Variants in FNIP2 observed in about 807,000 individuals in gnomAD.
FNIP2 encodes folliculin-interacting protein 2.
In FNIP2, 32 loss-of-function variants were observed where a neutral mutation model predicts 108.7. The ratio of observed to expected loss-of-function variants is 0.29; its 90% CI spans 0.22 to 0.40. FNIP2 has a LOEUF of 0.40. Among genes scored for constraint, FNIP2 ranks in the 10% least tolerant of loss-of-function variants. The probability of loss-of-function intolerance (pLI) is 1.00; values close to 1 mark genes in which losing one functional copy is unlikely to be tolerated. For missense variants in FNIP2, 1,202 were observed against 1,381.6 expected (o/e 0.87, Z 2.06); for synonymous variants, 480 against 496.7 (o/e 0.97, Z 0.45).
At chr4:158,809,098 A>G (rs1560767912) in intron 1 of FNIP2, among the ~76,000 whole-genome samples, 1 of 152,172 alleles carries the variant, frequency 6.6e-6, no homozygotes, top group Non-Finnish European at 1.5e-5. Context: ...AAAACTACCA[A>G]GTTTGATGAG....
At position 158,769,266 on chromosome 4, in the gene FNIP2, C is replaced by A; in HGVS notation, c.54C>A (p.Ser18Arg). 6.5e-7 allele frequency: 1 copy of A among 1,542,908 alleles called. No individual in the cohort carries two copies. The highest frequency in any genetic ancestry group is 8.7e-7 in the Non-Finnish European group (1 of 1,149,026). The change falls in exon 1 of 17, where the codon AGC becomes AGA. Residue 18 changes from serine (S) to arginine (R), a missense_variant. By Grantham distance (110) the Ser-to-Arg change is moderately radical (BLOSUM62 -1). This residue lies in a region of FNIP2 where 173 missense variants were observed against 165.9 expected (regional missense o/e 1.04). Transcript: ENST00000264433. ...TCAACAAAAGGGGCAGCAGCGGCAG[C>A]TCCGCGGCGGCGTCTGCCCAGGGCA... ...KLFNKRGSSG[S>R]SAAASAQGRA...
chr4:158,894,193 CAG>C (rs1343839375), intron 15 of FNIP2, among the ~76,000 whole-genome samples: 29 of 128,410 alleles, frequency 2.3e-4, no homozygotes, highest in Non-Finnish European at 4.2e-4. Context: ...TTTTTTGAGA[CAG>C]AGTTTCATTT....
Position 158,831,960 on chromosome 4 carries a change from C to A in FNIP2, c.481C>A (p.Arg161Ser). Residue 161 changes from arginine to serine, a missense_variant and splice_region_variant, in exon 4 of 17, where the codon CGT (arginine) becomes AGT (serine). Physicochemically the swap from Arg to Ser is moderately radical, Grantham distance 110 (BLOSUM62 -1). Around this residue, in one of 5 missense-constraint regions of FNIP2, gnomAD observed 878 missense variants for 990.3 expected, o/e 0.89. Coordinates refer to ENST00000264433, the MANE Select transcript of FNIP2 (RefSeq NM_020840.3). ...KGSTLKIHYI[R>S]SPPQLMISKV... is the part of the protein sequence containing the mutation. ...CTCCACCTTAAAGATACACTACATA[C>A]GGTGAGTCTGGGCTTCCTTTTCTAC... The A allele has an allele frequency of 1.2e-6, 2 of 1,607,806 alleles. No individual in the cohort carries two copies. The highest frequency in any genetic ancestry group is 1.7e-6 in the Non-Finnish European group (2 of 1,175,644).
At chr4:158,780,770 C>T (rs1362439446) in intron 1 of FNIP2, among the ~76,000 whole-genome samples, 3 of 152,156 alleles carry the variant, frequency 2.0e-5, no homozygotes, top group Admixed American at 6.5e-5. Context: ...CGGTGGCTCA[C>T]GCCTATAATC....
At chr4:158,816,657 C>T (rs543612601) in intron 1 of FNIP2, among the ~76,000 whole-genome samples, 21 of 151,772 alleles carry the variant, frequency 1.4e-4, no homozygotes, top group East Asian at 1.2e-3. Context: ...TGGTGGTGGG[C>T]GCCTGTAATC....
At chr4:158,896,702 A>G (rs1782707047) in intron 16 of FNIP2, among the ~76,000 whole-genome samples, 1 of 150,950 alleles carries the variant, frequency 6.6e-6, no homozygotes, top group Non-Finnish European at 1.5e-5. Context: ...TTATTCTTAC[A>G]TACTTTATTT....
intron 1 of FNIP2, among the ~76,000 whole-genome samples, chr4:158,788,924 A>G (rs1011420385): frequency 2.0e-5 from 3 of 152,234 alleles, no homozygotes; most frequent in South Asian, 2.1e-4. Flanking sequence ...AGGCAAGAGT[A>G]AAAACTAAAA....
intron 7 of FNIP2, among the ~76,000 whole-genome samples, chr4:158,840,620 T>C (rs1282212103): frequency 6.6e-6 from 1 of 152,180 alleles, no homozygotes; most frequent in East Asian, 1.9e-4. Flanking sequence ...GGTCTCAAAC[T>C]CCTGACCTCA....
chr4:158,895,832 G>A lies in FNIP2; in HGVS notation c.3233G>A (p.Arg1078Gln), dbSNP rs1233617274. 6 of 1,613,108 alleles carry A rather than the reference G, an allele frequency of 3.7e-6. No individual in the cohort carries two copies. The highest frequency in any genetic ancestry group is 3.4e-6 in the Non-Finnish European group (4 of 1,179,440). ...MLSEYLRGHT[R>Q]VHVKELGVVL... is the part of the protein sequence containing the mutation. ...TCTGAATATCTCCGGGGACACACACGAGTCCATGTGAAAGAATTAGGTGTC... is the reference window on the plus strand; with the variant it reads ...TCTGAATATCTCCGGGGACACACACAAGTCCATGTGAAAGAATTAGGTGTC... Residue 1078 changes from arginine to glutamine, a missense_variant, in exon 16 of 17, where the codon CGA becomes CAA. Arg to Gln is a conservative substitution (Grantham distance 43, BLOSUM62 1). Around this residue, in one of 5 missense-constraint regions of FNIP2, gnomAD observed 142 missense variants for 183.8 expected, o/e 0.77. Coordinates refer to ENST00000264433, the MANE Select transcript of FNIP2 (RefSeq NM_020840.3).
At chr4:158,773,516 G>C (rs1337530791) in intron 1 of FNIP2, among the ~76,000 whole-genome samples, 1 of 152,206 alleles carries the variant, frequency 6.6e-6, no homozygotes, top group African/African-American at 2.4e-5. Context: ...CAAAGTTGTG[G>C]TAAGGAAGTA....
At chr4:158,872,106 G>T (rs1032607605) in intron 14 of FNIP2, 2 of 985,320 alleles carry the variant, frequency 2.0e-6, no homozygotes, top group African/African-American at 3.5e-5. Flanking sequence ...TCTGACAGAG[G>T]TACCAAGAGA....
intron 7 of FNIP2, chr4:158,836,316 C>CT (rs1778794144): frequency 1.3e-5 from 2 of 152,164 alleles, no homozygotes; most frequent in African/African-American, 4.8e-5. Flanking sequence ...AGCCTCAGAG[C>CT]CTTTTAACCC....
chr4:158,874,913 T>C (rs1201225688), intron 14 of FNIP2, among the ~76,000 whole-genome samples: 3 of 73,332 alleles, frequency 4.1e-5, no homozygotes, highest in African/African-American at 5.6e-5. Context: ...ACCCCGTCTC[T>C]ACTAAAATAC....
At chr4:158,822,051 G>T (rs1043107690) in intron 1 of FNIP2, among the ~76,000 whole-genome samples, 1 of 151,900 alleles carries the variant, frequency 6.6e-6, no homozygotes, top group African/African-American at 2.4e-5. Flanking sequence ...TGGCGCCACT[G>T]CACTCCAGCC....
At chr4:158,823,181 T>C (rs1162365770) in intron 1 of FNIP2, among the ~76,000 whole-genome samples, 7 of 152,254 alleles carry the variant, frequency 4.6e-5, no homozygotes, top group Admixed American at 3.9e-4. Context: ...CAATTAAATC[T>C]GATTTTTTTT....
At chr4:158,861,129 G>A (rs777921115) in intron 10 of FNIP2, among the ~76,000 whole-genome samples, 8 of 152,208 alleles carry the variant, frequency 5.3e-5, no homozygotes, top group East Asian at 1.9e-4. Context: ...AAATGAGCAC[G>A]GCTGTGACCC....
intron 1 of FNIP2, among the ~76,000 whole-genome samples, chr4:158,793,521 A>C (rs1419978558): frequency 6.6e-6 from 1 of 152,176 alleles, no homozygotes. Context: ...AATTGCTATA[A>C]GATGCTTTTT....
intron 8 of FNIP2, among the ~76,000 whole-genome samples, chr4:158,854,484 C>T (rs993024241): frequency 5.9e-5 from 9 of 152,218 alleles, no homozygotes; most frequent in African/African-American, 1.9e-4. Flanking sequence ...GCCTGACTGC[C>T]GGGCCAGTTG....
intron 1 of FNIP2, among the ~76,000 whole-genome samples, chr4:158,809,953 A>T (rs1777183490): frequency 6.6e-6 from 1 of 152,234 alleles, no homozygotes. Context: ...AAGTAAGTAC[A>T]GAAACTTGAG....
Sources: allele counts gnomAD v4.1 joint callset (sites outside exome capture counted in the v4.1 genomes callset), GRCh38; gene constraint gnomAD v4.1.1; regional missense constraint gnomAD v4.1.1; transcripts MANE v1.5; gene names NCBI Gene and HGNC (gene_info 2026-07-23, HGNC 2026-07-21).